Variants in BCL11A observed in about 807,000 individuals in gnomAD.
The protein encoded by BCL11A is BCL11 transcription factor A, also known as B cell CLL/lymphoma 11A.
In BCL11A, 2 loss-of-function variants were observed where a neutral mutation model predicts 55.9. The observed-to-expected ratio is 0.04, with a 90% CI of 0.01 to 0.11. The LOEUF is 0.11. Ranked by LOEUF, BCL11A falls within the 10% of genes least tolerant of loss-of-function variation. The pLI is 1.00. For synonymous variants in BCL11A, 465 were observed against 473.4 expected (o/e 0.98, Z 0.23); for missense variants, 817 against 1,137.1 (o/e 0.72, Z 4.05).
exon 5 of BCL11A, chr2:60,451,379 C>T (rs1181641025): frequency 4.4e-6 from 1 of 228,028 alleles, no homozygotes; most frequent in Non-Finnish European, 8.7e-6. Context: ...GTTTCTAATT[C>T]TCTTCTGGAT....
chr2:60,461,601 C>G lies in BCL11A; in HGVS notation c.1311G>C (p.Lys437Asn), dbSNP rs145961985. 1.2e-6 allele frequency: 2 copies of G among 1,613,452 alleles called. No homozygotes were observed. Among genetic ancestry groups the G allele is most frequent in the Non-Finnish European group, 1.7e-6 (2 of 1,180,050 alleles). The change falls in exon 4 of 4, where the codon AAG (lysine) becomes AAC (asparagine). Residue 437 changes from lysine to asparagine, a missense_variant. This residue lies in a region of BCL11A where 45 missense variants were observed against 109.0 expected (regional missense o/e 0.41). Coordinates refer to ENST00000642384, the MANE Select transcript of BCL11A (RefSeq NM_022893.4). ...HMHKSSPMTV[K>N]SDDGLSTASS... ...TGGCGGTGGAGAGACCGTCGTCGGA[C>G]TTGACCGTCATGGGGGACGATTTGT...
intron 2 of BCL11A, among the ~76,000 whole-genome samples, chr2:60,481,636 AT>A (rs1373262912): frequency 6.6e-6 from 1 of 151,932 alleles, no homozygotes; most frequent in Non-Finnish European, 1.5e-5. Context: ...TGGCTCGTGA[AT>A]TTTTTTGTCT....
In BCL11A at chr2:60,553,579, C is replaced by T. The variant is rs1463278908; in HGVS notation, c.-309G>A. The T allele has an allele frequency of 2.5e-6, 1 of 393,674 alleles. No individual in the cohort carries two copies. Among genetic ancestry groups the T allele is most frequent in the Non-Finnish European group, 4.3e-6 (1 of 230,234 alleles). The allele number at this position is 393,674 out of a possible 1,614,324, so 24.4% of individuals were successfully genotyped here. ...AGAGATGAAAAAAATGGCAAAAGCCCCCCTGAGCTGCAAGTTCAAGTGCGG... is the reference window on the plus strand; with the variant it reads ...AGAGATGAAAAAAATGGCAAAAGCCTCCCTGAGCTGCAAGTTCAAGTGCGG... On this transcript the variant is annotated 5_prime_UTR_variant, in exon 1 of 4. Coordinates refer to ENST00000642384, the MANE Select transcript of BCL11A (RefSeq NM_022893.4).
At position 60,461,012 on chromosome 2, in the gene BCL11A, T is replaced by C. The variant is rs763995742; in HGVS notation, c.1900A>G (p.Lys634Glu). 1 of 1,608,326 alleles carries C rather than the reference T, an allele frequency of 6.2e-7. No homozygotes were observed. The change falls in exon 4 of 4, where the codon AAG (lysine) becomes GAG (glutamate). Residue 634 changes from lysine (K) to glutamate (E), a missense_variant. By Grantham distance (56) the Lys-to-Glu change is moderately conservative. Around this residue, in one of 4 missense-constraint regions of BCL11A, gnomAD observed 379 missense variants for 425.3 expected, o/e 0.89. Transcript: ENST00000642384. ...GSPSSLSPFSKRIKLEKEFDL... is the reference protein window; with the variant it reads ...GSPSSLSPFSERIKLEKEFDL... ...AACTCCTTCTCGAGCTTGATGCGCT[T>C]AGAGAAGGGGCTCAGCGAGCTGGGG...
intron 2 of BCL11A, among the ~76,000 whole-genome samples, chr2:60,493,073 G>T (rs144866206): frequency 6.6e-6 from 1 of 152,146 alleles, no homozygotes; most frequent in Non-Finnish European, 1.5e-5. Context: ...GTTACAAATG[G>T]ACTCATACAG....
intron 2 of BCL11A, among the ~76,000 whole-genome samples, chr2:60,524,259 G>A (rs1193929541): frequency 6.6e-6 from 1 of 152,204 alleles, no homozygotes; most frequent in Non-Finnish European, 1.5e-5. Flanking sequence ...AGAGGTGGGG[G>A]AGAAGAGAGA....
At chr2:60,488,984 T>C (rs1490893047) in intron 2 of BCL11A, among the ~76,000 whole-genome samples, 1 of 152,084 alleles carries the variant, frequency 6.6e-6, no homozygotes, top group African/African-American at 2.4e-5. Flanking sequence ...GGTCTCAAAC[T>C]CCCGACCTTA....
rs114864373 is a variant in BCL11A at position 60,552,892 on chromosome 2, C to G, written c.55+324G>C. ...TCATTATTTTGCAAAACTGGCGGGG[C>G]GGGGGGGGAGTGGAATCATTGCATT... On this transcript the variant is annotated intron_variant, in intron 1 of 3. Transcript: ENST00000642384. Among the ~76,000 whole-genome samples, 520 of 139,914 alleles carry G rather than the reference C, an allele frequency of 3.7e-3. 2 individuals are homozygous for G. Among genetic ancestry groups the G allele is most frequent in the African/African-American group, 0.013 (487 of 36,104 alleles). 91.8% of individuals were successfully genotyped at this position (139,914 alleles called of 152,430 possible). A position where few individuals can be genotyped will look rare whatever the true frequency, so the allele number is the denominator to read the frequency against.
chr2:60,479,905 A>G (rs1677858088), intron 2 of BCL11A, among the ~76,000 whole-genome samples: 1 of 152,158 alleles, frequency 6.6e-6, no homozygotes, highest in Non-Finnish European at 1.5e-5. Context: ...CCTTCCACCA[A>G]CCGTTTTTTG....
downstream of BCL11A, chr2:60,452,883 C>T (rs1009754418): frequency 1.6e-5 from 8 of 493,236 alleles, 1 homozygote; most frequent in Non-Finnish European, 2.2e-5. Context: ...TCCCTTCCGT[C>T]CCCCCAAGGA....
intron 2 of BCL11A, among the ~76,000 whole-genome samples, chr2:60,499,257 C>A (rs1664659453): frequency 6.6e-6 from 1 of 152,126 alleles, no homozygotes; most frequent in South Asian, 2.1e-4. Context: ...AGCGCCCTTC[C>A]GTCACTCCCA....
chr2:60,488,246 T>C (rs1432795179), intron 2 of BCL11A, among the ~76,000 whole-genome samples: 1 of 152,244 alleles, frequency 6.6e-6, no homozygotes, highest in Non-Finnish European at 1.5e-5. Context: ...GTCATGATTT[T>C]AACTGAACAA....
chr2:60,489,924 A>T (rs2104295816), intron 2 of BCL11A, among the ~76,000 whole-genome samples: 1 of 152,298 alleles, frequency 6.6e-6, no homozygotes, highest in Non-Finnish European at 1.5e-5. Context: ...CTATCATGAA[A>T]CACCATCCAT....
intron 2 of BCL11A, among the ~76,000 whole-genome samples, chr2:60,509,452 C>G (rs898028141): frequency 2.0e-5 from 3 of 152,168 alleles, no homozygotes; most frequent in Admixed American, 1.3e-4. Context: ...TGTGGAAGCA[C>G]AAGACACGTG....
chr2:60,467,933 A>G (rs1357086554), intron 3 of BCL11A, among the ~76,000 whole-genome samples: 380 of 46,620 alleles, frequency 8.2e-3, no homozygotes, highest in Middle Eastern at 0.031. Context: ...GGTGGTAGTG[A>G]TGGTGGTGGT....
intron 2 of BCL11A, among the ~76,000 whole-genome samples, chr2:60,504,307 G>C (rs1463989171): frequency 6.6e-6 from 1 of 152,142 alleles, no homozygotes; most frequent in Non-Finnish European, 1.5e-5. Context: ...GGTCTGCCTG[G>C]GTCCACCCTT....
intron 2 of BCL11A, among the ~76,000 whole-genome samples, chr2:60,480,226 T>C (rs969444098): frequency 6.6e-6 from 1 of 152,174 alleles, no homozygotes; most frequent in Non-Finnish European, 1.5e-5. Flanking sequence ...GTAAAGGATA[T>C]GTCTCTCTTC....
intron 2 of BCL11A, chr2:60,525,888 T>C (rs1669180491): frequency 6.6e-6 from 1 of 152,222 alleles, no homozygotes. Flanking sequence ...GAAGGGTAAA[T>C]GTCTACTTGG....
chr2:60,467,858 G>A (rs1160769065), intron 3 of BCL11A, among the ~76,000 whole-genome samples: 2 of 116,674 alleles, frequency 1.7e-5, no homozygotes, highest in Non-Finnish European at 3.9e-5. Flanking sequence ...GCTACTGGTG[G>A]TGATGGTACT....
Sources: gnomAD v4.1 joint callset for allele counts (sites outside exome capture counted in the v4.1 genomes callset) on GRCh38, gnomAD v4.1.1 for gene constraint, gnomAD v4.1.1 regional missense constraint, MANE v1.5 for transcripts, NCBI Gene and HGNC (gene_info 2026-07-23, HGNC 2026-07-21) for gene names.